NRG3: variants seen among roughly 807,000 people sequenced by gnomAD.
The protein encoded by NRG3 is neuregulin 3.
NRG3 carries 31 observed loss-of-function variants against 66.9 expected under a neutral mutation model. The ratio of observed to expected loss-of-function variants is 0.46; its 90% confidence interval spans 0.35 to 0.63. The LOEUF (loss-of-function observed/expected upper bound fraction) is 0.63. Ranked by LOEUF, NRG3 falls within the 20% of genes least tolerant of loss-of-function variation. The pLI is 0.00. For synonymous variants in NRG3, 393 were observed against 359.4 expected (o/e 1.09, Z -1.06); for missense variants, 910 against 878.9 (o/e 1.04, Z -0.45).
At chr10:82,009,505 G>A (rs1183823418) in intron 1 of NRG3, among the ~76,000 whole-genome samples, 1 of 152,158 alleles carries the variant, frequency 6.6e-6, no homozygotes, top group African/African-American at 2.4e-5. Flanking sequence ...GATGCTTCCA[G>A]TCCTGTCCTT....
At chr10:82,322,918 T>G (rs1043681703) in intron 1 of NRG3, among the ~76,000 whole-genome samples, 11 of 152,032 alleles carry the variant, frequency 7.2e-5, no homozygotes, top group African/African-American at 2.7e-4. Flanking sequence ...TTAAAAAGAG[T>G]CTCTTCCTCC....
rs142280783 is a variant in NRG3 at position 82,041,378 on chromosome 10, C to T, written c.823+165215C>T. Among the ~76,000 whole-genome samples, 36 of 152,118 alleles carry T rather than the reference C, an allele frequency of 2.4e-4. No individual in the cohort carries two copies. In the East Asian group the frequency reaches 5.6e-3, roughly 24 times the overall value. On this transcript the variant is annotated intron_variant, in intron 1 of 8. Transcript: ENST00000372141. ...CCCACTGTGAGCTGAGGTGAAGGCA[C>T]ATTTTCCCTCCCAACAGGAAAGTGA...
At chr10:82,471,851 T>A (rs1265283973) in intron 2 of NRG3, among the ~76,000 whole-genome samples, 1 of 151,332 alleles carries the variant, frequency 6.6e-6, no homozygotes, top group Non-Finnish European at 1.5e-5. Flanking sequence ...ATGGTGCCAT[T>A]GCACTCCAGC....
intron 1 of NRG3, among the ~76,000 whole-genome samples, chr10:82,102,841 T>G (rs1024895511): frequency 3.3e-5 from 5 of 151,978 alleles, no homozygotes; most frequent in African/African-American, 1.2e-4. Flanking sequence ...CATTGAAAAC[T>G]CCACCATATA....
chr10:81,887,609 A>G (rs1052619568), intron 1 of NRG3, among the ~76,000 whole-genome samples: 3 of 152,106 alleles, frequency 2.0e-5, no homozygotes, highest in Non-Finnish European at 2.9e-5. Context: ...TCTTATATTA[A>G]TTTTCAGTGG....
intron 4 of NRG3, among the ~76,000 whole-genome samples, chr10:82,883,221 A>G (rs1186339406): frequency 6.6e-6 from 1 of 152,070 alleles, no homozygotes; most frequent in Non-Finnish European, 1.5e-5. Flanking sequence ...TTAAAATCAA[A>G]CACTATGTAT....
At chr10:82,775,210 G>T in intron 3 of NRG3, among the ~76,000 whole-genome samples, 1 of 143,604 alleles carries the variant, frequency 7.0e-6, no homozygotes, top group Non-Finnish European at 1.5e-5. Flanking sequence ...CTATATATTT[G>T]GGATCTTTTT....
chr10:82,091,415 T>C (rs542883104), intron 1 of NRG3, among the ~76,000 whole-genome samples: 1 of 152,320 alleles, frequency 6.6e-6, no homozygotes, highest in South Asian at 2.1e-4. Context: ...AGTGTAATCA[T>C]ATATTTGTCC....
At chr10:82,620,222 G>A (rs983229469) in intron 2 of NRG3, among the ~76,000 whole-genome samples, 10 of 152,132 alleles carry the variant, frequency 6.6e-5, no homozygotes, top group South Asian at 2.1e-4. Flanking sequence ...GCCTTGTCGC[G>A]TGGGGCTGCT....
At chr10:82,167,398 A>G (rs1477823775) in intron 1 of NRG3, among the ~76,000 whole-genome samples, 3 of 152,126 alleles carry the variant, frequency 2.0e-5, no homozygotes, top group Non-Finnish European at 2.9e-5. Context: ...TGACTCTCTC[A>G]ATAGTAAACA....
At chr10:82,916,699 T>C (rs1845863229) in intron 4 of NRG3, among the ~76,000 whole-genome samples, 1 of 151,892 alleles carries the variant, frequency 6.6e-6, no homozygotes, top group South Asian at 2.1e-4. Context: ...CAATCTCAGC[T>C]CCGCCTCCCA....
chr10:82,985,017 G>T, intron 8 of NRG3, 81 bp from the exon 9 acceptor site: 1 of 1,527,486 alleles, frequency 6.5e-7, no homozygotes, highest in Non-Finnish European at 8.9e-7. Flanking sequence ...TGGTGCATGT[G>T]AAAAGTGCTT....
intron 1 of NRG3, among the ~76,000 whole-genome samples, chr10:82,234,261 G>T (rs187872834): frequency 1.2e-3 from 187 of 152,156 alleles, no homozygotes; most frequent in Middle Eastern, 3.4e-3. Flanking sequence ...TTTCTGGAAC[G>T]TGTTCCTGGT....
At chr10:82,015,346 A>G (rs554454394) in intron 1 of NRG3, among the ~76,000 whole-genome samples, 119 of 152,218 alleles carry the variant, frequency 7.8e-4, no homozygotes, top group Non-Finnish European at 1.4e-3. Flanking sequence ...TGAACTGATC[A>G]TTCATACTTC....
At chr10:82,372,296 G>T (rs556674689) in intron 2 of NRG3, among the ~76,000 whole-genome samples, 1 of 152,188 alleles carries the variant, frequency 6.6e-6, no homozygotes, top group South Asian at 2.1e-4. Context: ...AATTTTTGAT[G>T]CAATTGGTCC....
intron 2 of NRG3, among the ~76,000 whole-genome samples, chr10:82,717,297 G>A (rs2057029809): frequency 6.6e-6 from 1 of 151,066 alleles, no homozygotes; most frequent in Non-Finnish European, 1.5e-5. Flanking sequence ...TACTATGTAA[G>A]CAATGTTTTG....
At chr10:82,219,614 A>G (rs1217339317) in intron 1 of NRG3, among the ~76,000 whole-genome samples, 1 of 152,100 alleles carries the variant, frequency 6.6e-6, no homozygotes, top group Admixed American at 6.6e-5. Flanking sequence ...ATCATAGCAA[A>G]TTAGTTCTAG....
chr10:82,892,216 A>G (rs564298562), intron 4 of NRG3, among the ~76,000 whole-genome samples: 1 of 152,262 alleles, frequency 6.6e-6, no homozygotes, highest in South Asian at 2.1e-4. Context: ...TTTTACCATG[A>G]GGAAATAGAG....
chr10:82,269,298 G>C (rs1369478384), intron 1 of NRG3, among the ~76,000 whole-genome samples: 1 of 152,090 alleles, frequency 6.6e-6, no homozygotes, highest in Non-Finnish European at 1.5e-5. Context: ...TCTTGTTAGT[G>C]GCTCTCCCTC....
Sources: allele counts gnomAD v4.1 joint callset (sites outside exome capture counted in the v4.1 genomes callset), GRCh38; gene constraint gnomAD v4.1.1; transcripts MANE v1.5; gene names NCBI Gene and HGNC (gene_info 2026-07-23, HGNC 2026-07-21).